The following SGCZ variants were observed in gnomAD, a reference collection of about 807,000 sequenced individuals.
SGCZ encodes the protein sarcoglycan zeta.
SGCZ carries 40 observed loss-of-function variants against 41.3 expected under a neutral mutation model. The ratio of observed to expected loss-of-function variants is 0.97; its 90% CI spans 0.75 to 1.26. SGCZ has a LOEUF of 1.26. Among genes scored for constraint, SGCZ ranks in the 50% most tolerant of loss-of-function variants. The pLI is 0.00. For missense variants in SGCZ, 552 were observed against 369.8 expected (o/e 1.49, Z -4.04); for synonymous variants, 206 against 137.5 (o/e 1.50, Z -3.49).
chr8:14,130,084 C>A (rs1005931825), intron 5 of SGCZ, among the ~76,000 whole-genome samples: 1 of 152,048 alleles, frequency 6.6e-6, no homozygotes, highest in East Asian at 1.9e-4. Context: ...AAACTTAACA[C>A]AAAACTACAG....
chr8:15,192,077 C>G lies in SGCZ; in HGVS notation c.39+45508G>C, dbSNP rs75555961. Reference sequence around the variant, plus strand: ...ATAATTAGAGCTACTATTATATTCCCAGTGTTTTTACTTCTGTTATGGTAA... The same window carrying G: ...ATAATTAGAGCTACTATTATATTCCGAGTGTTTTTACTTCTGTTATGGTAA... On this transcript the variant is annotated intron_variant, in intron 1 of 7. Transcript: ENST00000382080. Among the ~76,000 whole-genome samples the G allele has an allele frequency of 5.4e-3, 818 of 152,134 alleles. 13 individuals carry two copies. The highest frequency in any genetic ancestry group is 0.019 in the African/African-American group (788 of 41,464).
intron 7 of SGCZ, among the ~76,000 whole-genome samples, chr8:14,101,346 A>G (rs1373065863): frequency 6.6e-6 from 1 of 152,116 alleles, no homozygotes; most frequent in Non-Finnish European, 1.5e-5. Flanking sequence ...AGTTTCAGAA[A>G]AAGACCATAG....
At chr8:14,881,155 T>C (rs535625699) in intron 1 of SGCZ, among the ~76,000 whole-genome samples, 1 of 152,218 alleles carries the variant, frequency 6.6e-6, no homozygotes, top group South Asian at 2.1e-4. Flanking sequence ...GGAAATACAA[T>C]TTTCCTAATA....
chr8:14,245,564 G>C lies in SGCZ; in HGVS notation c.337-7885C>G, dbSNP rs1799056477. ...GGACTTCATGTCTAAAACACCAAAAGCAATGGCAACAAAAGCCAAAATTGA... is the reference window on the plus strand; with the variant it reads ...GGACTTCATGTCTAAAACACCAAAACCAATGGCAACAAAAGCCAAAATTGA... On this transcript the variant is annotated intron_variant, in intron 3 of 7. Transcript: ENST00000382080. Among the ~76,000 whole-genome samples, 4 of 152,078 alleles carry C rather than the reference G, an allele frequency of 2.6e-5. No individual in the cohort carries two copies. The South Asian group carries it at 6.2e-4, about 24-fold the overall frequency.
chr8:14,908,881 T>C (rs1234685944), intron 1 of SGCZ, among the ~76,000 whole-genome samples: 1 of 152,170 alleles, frequency 6.6e-6, no homozygotes, highest in East Asian at 1.9e-4. Context: ...GACGAATAGT[T>C]TGTTATTTAA....
chr8:14,409,905 G>T (rs1402332336), intron 2 of SGCZ, among the ~76,000 whole-genome samples: 1 of 152,030 alleles, frequency 6.6e-6, no homozygotes, highest in East Asian at 1.9e-4. Flanking sequence ...TATATGGGAG[G>T]TAAAAATGTC....
intron 1 of SGCZ, among the ~76,000 whole-genome samples, chr8:15,129,556 A>G (rs1807822446): frequency 6.6e-6 from 1 of 152,138 alleles, no homozygotes; most frequent in African/African-American, 2.4e-5. Context: ...ACTCACAAGC[A>G]AGGAAAGAAA....
Position 14,084,988 on chromosome 8 carries a change from G to GA in SGCZ, c.*5454dup, listed in dbSNP as rs1801484277. Among the ~76,000 whole-genome samples, 1 of 151,470 alleles carries GA rather than the reference G, an allele frequency of 6.6e-6. No individual in the cohort carries two copies. Among genetic ancestry groups the GA allele is most frequent in the South Asian group, 2.1e-4 (1 of 4,818 alleles). ...ATGCTTCAAAAGGTCTCATTTCAGA[G>GA]AAAAAAAGGTTTCCAATTGCCAAAA... On this transcript the variant is annotated 3_prime_UTR_variant, in exon 8 of 8. Coordinates refer to ENST00000382080, the MANE Select transcript of SGCZ (RefSeq NM_139167.4).
intron 1 of SGCZ, among the ~76,000 whole-genome samples, chr8:15,144,862 C>T (rs551987299): frequency 4.7e-4 from 71 of 152,282 alleles, no homozygotes; most frequent in Admixed American, 1.4e-3. Context: ...TATCATTTTC[C>T]GGTGTACCGT....
intron 2 of SGCZ, among the ~76,000 whole-genome samples, chr8:14,380,122 A>G (rs1804304633): frequency 6.6e-6 from 1 of 152,160 alleles, no homozygotes; most frequent in Admixed American, 6.5e-5. Context: ...AGCCAGTCAT[A>G]TTATTTTAGT....
intron 1 of SGCZ, among the ~76,000 whole-genome samples, chr8:14,833,635 G>A (rs115361414): frequency 0.015 from 2,212 of 152,256 alleles, 58 homozygotes; most frequent in African/African-American, 0.05. Context: ...AACTGCAAAA[G>A]GTGAATGTGC....
intron 1 of SGCZ, among the ~76,000 whole-genome samples, chr8:15,021,287 A>T (rs149187910): frequency 6.6e-6 from 1 of 152,218 alleles, no homozygotes; most frequent in Non-Finnish European, 1.5e-5. Context: ...TCTGACTAAT[A>T]TGGTGAATTC....
chr8:14,668,587 C>A (rs972284800), intron 1 of SGCZ, among the ~76,000 whole-genome samples: 16 of 152,202 alleles, frequency 1.1e-4, no homozygotes, highest in African/African-American at 3.6e-4. Context: ...TTTAACTACT[C>A]TTTCCTCTAT....
intron 2 of SGCZ, among the ~76,000 whole-genome samples, chr8:14,349,020 A>C (rs565946674): frequency 6.6e-6 from 1 of 152,214 alleles, no homozygotes; most frequent in African/African-American, 2.4e-5. Context: ...AACTAATAGT[A>C]ATCATCCAAA....
intron 3 of SGCZ, chr8:14,309,765 A>T: frequency 6.5e-7 from 1 of 1,543,246 alleles, no homozygotes; most frequent in Non-Finnish European, 8.8e-7. Flanking sequence ...AGCAGAGTGG[A>T]CTGCATTTAA....
At chr8:14,172,976 G>A (rs1445088097) in intron 4 of SGCZ, among the ~76,000 whole-genome samples, 1 of 152,102 alleles carries the variant, frequency 6.6e-6, no homozygotes, top group Non-Finnish European at 1.5e-5. Context: ...TAGATGTTGG[G>A]CTTCCAACCA....
chr8:14,788,959 TA>T (rs1253785603), intron 1 of SGCZ, among the ~76,000 whole-genome samples: 1 of 152,046 alleles, frequency 6.6e-6, no homozygotes, highest in Non-Finnish European at 1.5e-5. Flanking sequence ...AAAAACTAAA[TA>T]ATAATAATAA....
At chr8:15,080,385 T>C (rs1252944173) in intron 1 of SGCZ, among the ~76,000 whole-genome samples, 2 of 152,110 alleles carry the variant, frequency 1.3e-5, no homozygotes, top group African/African-American at 2.4e-5. Context: ...CGGAAGTTCC[T>C]ACCACCAGCC....
intron 2 of SGCZ, among the ~76,000 whole-genome samples, chr8:14,362,661 G>A (rs1271530638): frequency 1.3e-5 from 2 of 152,070 alleles, no homozygotes; most frequent in African/African-American, 2.4e-5. Context: ...CAGATGAGGC[G>A]ACACCCCATG....
Sources: allele counts gnomAD v4.1 joint callset (sites outside exome capture counted in the v4.1 genomes callset), GRCh38; gene constraint gnomAD v4.1.1; transcripts MANE v1.5; gene names NCBI Gene and HGNC (gene_info 2026-07-23, HGNC 2026-07-21).